Variants in SPAG16 observed in about 807,000 individuals in gnomAD.
The protein encoded by SPAG16 is sperm-associated antigen 16 protein.
A neutral mutation model predicts 80.4 loss-of-function variants in SPAG16; 86 were observed. The observed-to-expected ratio is 1.07, with a 90% CI of 0.90 to 1.28. The LOEUF (loss-of-function observed/expected upper bound fraction) is 1.28, where lower values mean the gene tolerates loss of function less well. SPAG16 is among the 50% of genes most tolerant of loss of function. SPAG16 has a pLI of 0.00. For synonymous variants in SPAG16, 294 were observed against 265.9 expected (o/e 1.11, Z -1.03); for missense variants, 870 against 765.3 (o/e 1.14, Z -1.61).
intron 10 of SPAG16, among the ~76,000 whole-genome samples, chr2:213,842,918 C>T (rs2074433787): frequency 6.6e-6 from 1 of 152,104 alleles, no homozygotes; most frequent in Admixed American, 6.6e-5. Context: ...GCATATGCCA[C>T]CACACTCAGC....
At chr2:213,873,122 T>G (rs1420879232) in intron 11 of SPAG16, among the ~76,000 whole-genome samples, 4 of 151,886 alleles carry the variant, frequency 2.6e-5, no homozygotes, top group Admixed American at 1.3e-4. Flanking sequence ...TGGAAGAATT[T>G]GTGAAGTAGT....
In SPAG16 at chr2:213,354,131, C is replaced by T. The variant is rs187050271; in HGVS notation, c.762+3486C>T. On this transcript the variant is annotated intron_variant, in intron 7 of 15. Transcript: ENST00000331683. Reference sequence around the variant, plus strand: ...TTTCCCACCTATGAGTGAGAACATGCGGTGTTTGGTTTTCTGTACCTGTGA... The same window carrying T: ...TTTCCCACCTATGAGTGAGAACATGTGGTGTTTGGTTTTCTGTACCTGTGA... Among the ~76,000 whole-genome samples the T allele has an allele frequency of 7.9e-5, 12 of 152,194 alleles. No homozygotes were observed. In the East Asian group the frequency reaches 2.3e-3, roughly 29 times the overall value.
At chr2:214,261,107 C>CAAAAAAAAAAAAAAAAAAAAAAAA (rs558534808) in intron 15 of SPAG16, among the ~76,000 whole-genome samples, 1 of 54,470 alleles carries the variant, frequency 1.8e-5, no homozygotes, top group Non-Finnish European at 3.2e-5. Context: ...GACTCAGTCT[C>CAAAAAAAAAAAAAAAAAAAAAAAA]AAAAAAAAAA....
intron 10 of SPAG16, among the ~76,000 whole-genome samples, chr2:213,840,024 C>T (rs1355107622): frequency 6.6e-6 from 1 of 152,116 alleles, no homozygotes; most frequent in Non-Finnish European, 1.5e-5. Context: ...AGCATTCCAG[C>T]TTTATAATTA....
intron 9 of SPAG16, among the ~76,000 whole-genome samples, chr2:213,412,540 A>G (rs942232551): frequency 1.3e-5 from 2 of 152,258 alleles, no homozygotes; most frequent in African/African-American, 2.4e-5. Context: ...TTGGTCCTCA[A>G]TAAATCCTAT....
chr2:213,954,139 A>AT (rs367719207), intron 12 of SPAG16, among the ~76,000 whole-genome samples: 71,036 of 141,368 alleles, frequency 0.5, 19,149 homozygotes, highest in South Asian at 0.7. Context: ...AGTCACTCCT[A>AT]TTTTTTTTTT....
chr2:214,036,673 A>C lies in SPAG16; in HGVS notation c.1527+22596A>C, dbSNP rs13432207. On this transcript the variant is annotated intron_variant, in intron 13 of 15. Transcript: ENST00000331683. ...GTGACAAACAGCTCCCATTATTTAT[A>C]ATATATTCACTTACATGTTTAATCT... Among the ~76,000 whole-genome samples, 1,326 of 152,296 alleles carry C rather than the reference A, an allele frequency of 8.7e-3. 18 individuals carry two copies. The highest frequency in any genetic ancestry group is 0.031 in the African/African-American group (1,271 of 41,570).
chr2:213,758,230 G>T (rs2125510204), intron 10 of SPAG16: 1 of 153,164 alleles, frequency 6.5e-6, no homozygotes, highest in East Asian at 2.0e-4. Flanking sequence ...CAAAATCATT[G>T]ACTGAAGTAA....
chr2:214,187,636 A>T (rs2057520816), intron 15 of SPAG16, among the ~76,000 whole-genome samples: 1 of 151,912 alleles, frequency 6.6e-6, no homozygotes, highest in Non-Finnish European at 1.5e-5. Flanking sequence ...GAAGACAGCA[A>T]GGAAGAAAAA....
chr2:213,331,364 T>C (rs949166804), intron 5 of SPAG16, among the ~76,000 whole-genome samples: 3 of 152,210 alleles, frequency 2.0e-5, no homozygotes, highest in South Asian at 2.1e-4. Flanking sequence ...TATTTAATGA[T>C]AGAGCAGTCA....
At chr2:213,635,670 G>A (rs1253715008) in intron 10 of SPAG16, among the ~76,000 whole-genome samples, 2 of 152,078 alleles carry the variant, frequency 1.3e-5, no homozygotes, top group Non-Finnish European at 2.9e-5. Context: ...GATTAGTGAT[G>A]TTAAGAATTT....
chr2:213,838,725 G>A (rs1024444465), intron 10 of SPAG16, among the ~76,000 whole-genome samples: 2 of 152,174 alleles, frequency 1.3e-5, no homozygotes, highest in African/African-American at 4.8e-5. Context: ...GAAGCTGATT[G>A]GCTGTTTCAA....
At chr2:213,703,086 CTT>C (rs1330170861) in intron 10 of SPAG16, among the ~76,000 whole-genome samples, 2 of 152,184 alleles carry the variant, frequency 1.3e-5, no homozygotes, top group Non-Finnish European at 1.5e-5. Context: ...TCAGTACACA[CTT>C]TGCCATTCTC....
At chr2:214,198,776 T>A (rs1318007252) in intron 15 of SPAG16, among the ~76,000 whole-genome samples, 5 of 152,082 alleles carry the variant, frequency 3.3e-5, no homozygotes, top group Non-Finnish European at 7.4e-5. Flanking sequence ...CTATTTTTTT[T>A]ATTCTTAATT....
chr2:213,541,208 G>A (rs1013087737), intron 10 of SPAG16, among the ~76,000 whole-genome samples: 3 of 152,196 alleles, frequency 2.0e-5, no homozygotes, highest in Admixed American at 1.3e-4. Flanking sequence ...TAGGCTGTTT[G>A]AGGATGGATT....
intron 9 of SPAG16, among the ~76,000 whole-genome samples, chr2:213,424,894 C>A (rs899654323): frequency 2.0e-5 from 3 of 152,170 alleles, no homozygotes; most frequent in Non-Finnish European, 1.5e-5. Flanking sequence ...CATTTCTTTG[C>A]CATGGCCTTT....
intron 4 of SPAG16, 60 bp downstream of exon 4, chr2:213,310,237 T>C (rs976530529): frequency 2.4e-5 from 28 of 1,190,800 alleles, no homozygotes; most frequent in African/African-American, 4.6e-5. Context: ...ATATACACTT[T>C]TAAGTGTCTT....
intron 10 of SPAG16, among the ~76,000 whole-genome samples, chr2:213,777,723 G>C (rs560806578): frequency 7.2e-5 from 11 of 152,192 alleles, no homozygotes; most frequent in Admixed American, 7.2e-4. Flanking sequence ...TTTTAGGAGA[G>C]ATAGGGTTTC....
chr2:213,867,178 C>G (rs1331943989), intron 11 of SPAG16, among the ~76,000 whole-genome samples: 1 of 152,110 alleles, frequency 6.6e-6, no homozygotes, highest in Admixed American at 6.5e-5. Context: ...TACATATTTA[C>G]CACTAGATTA....
Sources: gnomAD v4.1 joint callset for allele counts (sites outside exome capture counted in the v4.1 genomes callset) on GRCh38, gnomAD v4.1.1 for gene constraint, MANE v1.5 for transcripts, NCBI Gene and HGNC (gene_info 2026-07-23, HGNC 2026-07-21) for gene names.